The following PPP1R42 variants were observed in gnomAD, a reference collection of about 807,000 sequenced individuals.
PPP1R42 encodes protein phosphatase 1 regulatory subunit 42, also known as leucine rich repeat containing 67.
A neutral mutation model predicts 31.0 loss-of-function variants in PPP1R42; 34 were observed. The ratio of observed to expected loss-of-function variants is 1.10; its 90% confidence interval spans 0.83 to 1.46. The LOEUF is 1.46. PPP1R42 is among the 40% of genes most tolerant of loss of function. The probability of loss-of-function intolerance (pLI) is 0.00; values close to 1 mark genes in which losing one functional copy is unlikely to be tolerated. For missense variants in PPP1R42, 268 were observed against 303.0 expected (o/e 0.88, Z 0.86); for synonymous variants, 103 against 109.8 (o/e 0.94, Z 0.39).
rs79705511 is a variant in PPP1R42, at chr8:67,021,322, C to T, written c.-84-3491G>A. 76 of 152,174 alleles carry T rather than the reference C, an allele frequency of 5.0e-4. No individual in the cohort carries two copies. The East Asian group carries it at 0.012, about 23-fold the overall frequency. The allele number at this position is 152,174 out of a possible 1,614,324, so 9.4% of individuals were successfully genotyped here. On this transcript the variant is annotated intron_variant, in intron 1 of 7. Transcript: ENST00000685739. ...TGAAGATATGGAATGTATTCTTAGA[C>T]TCTTCAAAATGCAAAGTACAGCCTA...
At chr8:66,984,371 C>T in intron 6 of PPP1R42, 1 of 1,306,466 alleles carries the variant, frequency 7.7e-7, no homozygotes, top group Admixed American at 1.7e-5. Flanking sequence ...GTCTGTTCAT[C>T]CCACTTTATC....
At chr8:67,019,421 A>G (rs1203198124) in intron 1 of PPP1R42, among the ~76,000 whole-genome samples, 1 of 147,408 alleles carries the variant, frequency 6.8e-6, no homozygotes, top group African/African-American at 2.5e-5. Flanking sequence ...TTGTATTTTT[A>G]GTAGACACGG....
chr8:67,008,458 A>G (rs951171895), intron 5 of PPP1R42, among the ~76,000 whole-genome samples: 1 of 152,196 alleles, frequency 6.6e-6, no homozygotes, highest in African/African-American at 2.4e-5. Context: ...CTGTAATCCT[A>G]GCACTTTGGG....
intron 5 of PPP1R42, among the ~76,000 whole-genome samples, chr8:67,000,442 A>C (rs754651219): frequency 5.9e-5 from 9 of 151,890 alleles, no homozygotes; most frequent in Non-Finnish European, 1.2e-4. Context: ...ACTTTGTTTC[A>C]TTTCATATGG....
chr8:66,976,229 T>C (rs546978462), intron 7 of PPP1R42, among the ~76,000 whole-genome samples: 15 of 152,210 alleles, frequency 9.9e-5, no homozygotes, highest in African/African-American at 3.6e-4. Context: ...TACTCCCAGA[T>C]AGGATCATCT....
In PPP1R42 at chr8:66,964,193, T is replaced by G. The variant is rs115251347; in HGVS notation, c.*128A>C. On this transcript the variant is annotated 3_prime_UTR_variant, in exon 8 of 8. Transcript: ENST00000685739. Reference sequence around the variant, plus strand: ...TAGTCATATAAGGTTAAAAACAAAATCAAACGTTTCCTGTCACTTGAGGCT... The same window carrying G: ...TAGTCATATAAGGTTAAAAACAAAAGCAAACGTTTCCTGTCACTTGAGGCT... 1.3e-3 allele frequency: 784 copies of G among 581,614 alleles called. 7 individuals carry two copies. The African/African-American group carries it at 0.014, about 10-fold the overall frequency. The allele number at this position is 581,614 out of a possible 1,614,324, so 36.0% of individuals were successfully genotyped here.
At position 67,014,436 on chromosome 8, in the gene PPP1R42, G is replaced by T; in HGVS notation, c.286C>A (p.Leu96Met). Reference protein sequence around the residue: ...CIENLRSLKKLEKLYLGGNYI... With the variant: ...CIENLRSLKKMEKLYLGGNYI... ...AATAAAAGCACTTACAGTTTTTCCA[G>T]TTTCTTTAATGACCTGAGGTTCTCT... is the stretch of plus-strand genomic sequence containing the variant. The change falls in exon 3 of 8, where the codon CTG becomes ATG. Residue 96 changes from leucine (L) to methionine (M), a missense_variant. By Grantham distance (15) the Leu-to-Met change is conservative. Coordinates refer to ENST00000685739, the MANE Select transcript of PPP1R42 (RefSeq NM_001364910.1). 1 of 1,498,124 alleles carries T rather than the reference G, an allele frequency of 6.7e-7. No homozygotes were observed. The highest frequency in any genetic ancestry group is 8.9e-7 in the Non-Finnish European group (1 of 1,125,322). The allele number at this position is 1,498,124 out of a possible 1,614,324, so 92.8% of individuals were successfully genotyped here.
At chr8:66,973,453 G>A (rs565441035) in intron 7 of PPP1R42, among the ~76,000 whole-genome samples, 8 of 152,066 alleles carry the variant, frequency 5.3e-5, no homozygotes, top group East Asian at 1.9e-4. Context: ...ACAGGGGCAC[G>A]CCACCACACC....
At chr8:66,981,925 A>AC in intron 7 of PPP1R42, 124 bp downstream of exon 7, 7 of 1,018,420 alleles carry the variant, frequency 6.9e-6, no homozygotes, top group Non-Finnish European at 8.9e-6. Context: ...GTTTTAAAAA[A>AC]CCCCATAAAA....
At position 66,988,408 on chromosome 8, in the gene PPP1R42, T is replaced by A; in HGVS notation, c.662A>T (p.Lys221Ile). 1 of 1,544,702 alleles carries A rather than the reference T, an allele frequency of 6.5e-7. No individual in the cohort carries two copies. The highest frequency in any genetic ancestry group is 8.7e-7 in the Non-Finnish European group (1 of 1,145,414). ...TTAATATAAATATGTACCCAGTGAT[T>A]TGGACACCAATATCAGTCTGTCCCT... The part of the protein sequence containing the change: ...KYRDRLILVS[K>I]SLEFLDGKEI... The change falls in exon 6 of 8, where the codon AAA (lysine) becomes ATA (isoleucine). Residue 221 changes from lysine (K) to isoleucine (I), a missense_variant. Transcript: ENST00000685739.
At chr8:67,028,039 T>C (rs1038883876) in intron 1 of PPP1R42, among the ~76,000 whole-genome samples, 1 of 152,226 alleles carries the variant, frequency 6.6e-6, no homozygotes, top group African/African-American at 2.4e-5. Flanking sequence ...TCCATTTTAA[T>C]GGACCCCTTG....
At chr8:67,010,081 AT>A (rs1279086913) in intron 5 of PPP1R42, among the ~76,000 whole-genome samples, 4 of 152,238 alleles carry the variant, frequency 2.6e-5, no homozygotes, top group Admixed American at 2.6e-4. Context: ...CACAATACTT[AT>A]AAAAACAGTA....
intron 2 of PPP1R42, among the ~76,000 whole-genome samples, chr8:67,017,007 T>C (rs1021141808): frequency 6.6e-6 from 1 of 152,200 alleles, no homozygotes; most frequent in Admixed American, 6.5e-5. Flanking sequence ...CAACATACAC[T>C]TTCAAATCTA....
chr8:67,020,468 C>T (rs376891399), intron 1 of PPP1R42, among the ~76,000 whole-genome samples: 23 of 152,190 alleles, frequency 1.5e-4, no homozygotes, highest in Middle Eastern at 3.4e-3. Flanking sequence ...CCTAAAGTGC[C>T]GGGAGTACAG....
intron 6 of PPP1R42, among the ~76,000 whole-genome samples, chr8:66,986,973 G>A (rs1024237408): frequency 3.9e-5 from 6 of 152,016 alleles, no homozygotes; most frequent in African/African-American, 1.4e-4. Flanking sequence ...AGACCAGCCT[G>A]GCCAACATAA....
intron 6 of PPP1R42, chr8:66,988,075 T>C: frequency 1.1e-6 from 1 of 917,274 alleles, no homozygotes; most frequent in Non-Finnish European, 1.3e-6. Flanking sequence ...TCTCTTGGGA[T>C]CATCAAAGGA....
intron 2 of PPP1R42, among the ~76,000 whole-genome samples, chr8:67,015,621 CAG>C (rs1815993466): frequency 8.4e-6 from 1 of 119,488 alleles, no homozygotes; most frequent in Non-Finnish European, 1.7e-5. Flanking sequence ...TTTTTTGAAA[CAG>C]GGTCTGCCCA....
At chr8:67,018,246 A>C (rs1816079186) in intron 1 of PPP1R42, among the ~76,000 whole-genome samples, 2 of 147,116 alleles carry the variant, frequency 1.4e-5, no homozygotes, top group Admixed American at 1.4e-4. Context: ...CCTCCCGAGT[A>C]GCTGGGATTA....
intron 5 of PPP1R42, among the ~76,000 whole-genome samples, chr8:66,997,545 T>C (rs78663799): frequency 1.3e-5 from 2 of 149,786 alleles, no homozygotes; most frequent in African/African-American, 4.9e-5. Context: ...TGCCTGGCTT[T>C]TTTTTTTTTT....
Sources: gnomAD v4.1 joint callset for allele counts (sites outside exome capture counted in the v4.1 genomes callset) on GRCh38, gnomAD v4.1.1 for gene constraint, MANE v1.5 for transcripts, NCBI Gene and HGNC (gene_info 2026-07-23, HGNC 2026-07-21) for gene names.